KCNMA1: variants seen among roughly 807,000 people sequenced by gnomAD.
KCNMA1 encodes the protein Calcium-activated potassium channel subunit alpha-1.
KCNMA1 carries 29 observed loss-of-function variants against 140.0 expected under a neutral mutation model. The observed-to-expected ratio is 0.21, with a 90% CI of 0.15 to 0.28. The LOEUF (loss-of-function observed/expected upper bound fraction) is 0.28, where lower values mean the gene tolerates loss of function less well. Among genes scored for constraint, KCNMA1 ranks in the 10% least tolerant of loss-of-function variants. The pLI is 1.00. For synonymous variants in KCNMA1, 612 were observed against 611.9 expected (o/e 1.00, Z 0.00); for missense variants, 880 against 1,602.2 (o/e 0.55, Z 7.70).
At chr10:77,092,795 T>C (rs1055059742) in intron 9 of KCNMA1, among the ~76,000 whole-genome samples, 13 of 152,208 alleles carry the variant, frequency 8.5e-5, no homozygotes, top group Non-Finnish European at 1.5e-4. Flanking sequence ...TCGTTCTTCC[T>C]ACCCAGCATG....
chr10:77,628,005 C>T (rs1250805965), intron 1 of KCNMA1, among the ~76,000 whole-genome samples: 2 of 152,104 alleles, frequency 1.3e-5, no homozygotes, highest in African/African-American at 4.8e-5. Flanking sequence ...AGGCCACTCT[C>T]GATCCCACCC....
intron 5 of KCNMA1, among the ~76,000 whole-genome samples, chr10:77,182,113 A>G (rs554064414): frequency 3.0e-4 from 45 of 152,192 alleles, no homozygotes; most frequent in Non-Finnish European, 6.0e-4. Flanking sequence ...GTTATCCATC[A>G]ATGTCTGCAC....
intron 2 of KCNMA1, among the ~76,000 whole-genome samples, chr10:77,315,946 G>A (rs766089324): frequency 6.6e-6 from 1 of 152,062 alleles, no homozygotes; most frequent in East Asian, 1.9e-4. Context: ...TATATTCCCA[G>A]TGCTAAGCAA....
intron 2 of KCNMA1, among the ~76,000 whole-genome samples, chr10:77,328,172 A>G (rs2154362549): frequency 6.6e-6 from 1 of 152,374 alleles, no homozygotes; most frequent in East Asian, 1.9e-4. Flanking sequence ...TAAACAAAAC[A>G]ATACATGCAA....
chr10:77,265,681 G>C (rs1240574072), intron 2 of KCNMA1, among the ~76,000 whole-genome samples: 3 of 152,028 alleles, frequency 2.0e-5, no homozygotes, highest in African/African-American at 7.2e-5. Context: ...CAAGGTGTTT[G>C]GTTTTTAATT....
intron 2 of KCNMA1, among the ~76,000 whole-genome samples, chr10:77,287,007 C>T (rs1412367309): frequency 6.6e-6 from 1 of 152,178 alleles, no homozygotes; most frequent in East Asian, 1.9e-4. Context: ...GAGCTATGGC[C>T]TTCATCCAAT....
intron 1 of KCNMA1, among the ~76,000 whole-genome samples, chr10:77,591,292 T>C (rs2079072923): frequency 6.6e-6 from 1 of 152,196 alleles, no homozygotes; most frequent in Non-Finnish European, 1.5e-5. Context: ...AGATCGCATG[T>C]GGTGGCAGCA....
chr10:77,118,347 A>G (rs2097528116), intron 6 of KCNMA1, among the ~76,000 whole-genome samples: 1 of 152,218 alleles, frequency 6.6e-6, no homozygotes, highest in Non-Finnish European at 1.5e-5. Context: ...CCCAAAAGGA[A>G]GGAGCCAAGA....
intron 1 of KCNMA1, among the ~76,000 whole-genome samples, chr10:77,461,898 A>T (rs1223232752): frequency 6.6e-6 from 1 of 152,178 alleles, no homozygotes; most frequent in Non-Finnish European, 1.5e-5. Flanking sequence ...ATCAAAGGCA[A>T]ATTCCAGAGC....
At chr10:77,543,853 A>G (rs1325386975) in intron 1 of KCNMA1, among the ~76,000 whole-genome samples, 1 of 152,146 alleles carries the variant, frequency 6.6e-6, no homozygotes, top group African/African-American at 2.4e-5. Context: ...GTGATTGCTA[A>G]TTTTTTCATC....
intron 13 of KCNMA1, among the ~76,000 whole-genome samples, chr10:77,074,907 C>G (rs531201737): frequency 6.6e-6 from 1 of 152,302 alleles, no homozygotes; most frequent in Non-Finnish European, 1.5e-5. Context: ...AGGGAGCATT[C>G]CCTTCACTTT....
At chr10:77,584,851 C>T (rs969494869) in intron 1 of KCNMA1, among the ~76,000 whole-genome samples, 3 of 152,188 alleles carry the variant, frequency 2.0e-5, no homozygotes, top group African/African-American at 4.8e-5. Context: ...GAACCCAGCA[C>T]TCGGCTGCAC....
chr10:77,238,664 G>T lies in KCNMA1; in HGVS notation c.602+12531C>A, dbSNP rs561337694. ...CACTTAGACATGTTTTGTATGTCAT[G>T]CAGGGAAAAGTTCCCAGTCAACCTC... is the stretch of plus-strand genomic sequence containing the variant. On this transcript the variant is annotated intron_variant, in intron 3 of 27. Transcript: ENST00000286628. Among the ~76,000 whole-genome samples the T allele has an allele frequency of 7.2e-4, 110 of 152,312 alleles. 1 individual carries two copies. The highest frequency in any genetic ancestry group is 2.6e-3 in the African/African-American group (108 of 41,572).
Position 76,944,942 on chromosome 10 carries a change from A to C in KCNMA1, c.2733T>G (p.Asp911Glu). Reference sequence around the variant, plus strand: ...AGAGGTTGATGTTGACAGCCCTTAAATCAGCCCGACTTAATGGCGTACCCT... The same window carrying C: ...AGAGGTTGATGTTGACAGCCCTTAACTCAGCCCGACTTAATGGCGTACCCT... ...ILPGTPLSRADLRAVNINLCD... is the reference protein window; with the variant it reads ...ILPGTPLSRAELRAVNINLCD... Residue 911 changes from aspartate (D) to glutamate (E), a missense_variant, in exon 23 of 28, where the codon GAT becomes GAG. By Grantham distance (45) the Asp-to-Glu change is conservative (BLOSUM62 2). Transcript: ENST00000286628. 6.2e-7 allele frequency: 1 copy of C among 1,614,044 alleles called. No homozygotes were observed. Among genetic ancestry groups the C allele is most frequent in the Non-Finnish European group, 8.5e-7 (1 of 1,180,014 alleles).
At chr10:76,912,006 G>A (rs1030834558) in intron 24 of KCNMA1, 2 of 152,264 alleles carry the variant, frequency 1.3e-5, no homozygotes, top group Non-Finnish European at 2.9e-5. Flanking sequence ...CAAGTAGGGG[G>A]AGGGGACTCC....
At chr10:77,529,238 T>C (rs574640574) in intron 1 of KCNMA1, among the ~76,000 whole-genome samples, 55 of 125,396 alleles carry the variant, frequency 4.4e-4, no homozygotes, top group Non-Finnish European at 7.0e-4. Context: ...TCCCCTCTTT[T>C]TCCCCCTGCA....
At position 77,255,402 on chromosome 10, in the gene KCNMA1, C is replaced by G. The variant is rs370723881; in HGVS notation, c.541-4146G>C. 5.3e-5 allele frequency among the ~76,000 whole-genome samples: 8 copies of G among 151,542 alleles called. No individual in the cohort carries two copies. In the South Asian group the frequency reaches 1.7e-3, roughly 32 times the overall value. ...ATCACTTGAGGCCAGGAGTTCTAGA[C>G]CAGCCTGTCCAACACAGTGAAACCC... On this transcript the variant is annotated intron_variant, in intron 2 of 27. Coordinates refer to ENST00000286628, the MANE Select transcript of KCNMA1 (RefSeq NM_001161352.2).
At chr10:77,584,284 C>A (rs562359217) in intron 1 of KCNMA1, among the ~76,000 whole-genome samples, 11 of 152,316 alleles carry the variant, frequency 7.2e-5, no homozygotes, top group Middle Eastern at 3.4e-3. Flanking sequence ...CCAACATATA[C>A]GTAAGACTTG....
intron 5 of KCNMA1, chr10:77,149,769 T>C (rs1389484506): frequency 2.0e-5 from 3 of 152,192 alleles, no homozygotes; most frequent in Non-Finnish European, 1.5e-5. Flanking sequence ...ACAACTCTGT[T>C]AGGCTCACCC....
Sources: allele counts gnomAD v4.1 joint callset (sites outside exome capture counted in the v4.1 genomes callset), GRCh38; gene constraint gnomAD v4.1.1; transcripts MANE v1.5; gene names NCBI Gene and HGNC (gene_info 2026-07-23, HGNC 2026-07-21).